GALNTL6: variants seen among roughly 807,000 people sequenced by gnomAD.
GALNTL6 encodes the protein polypeptide N-acetylgalactosaminyltransferase-like 6.
In GALNTL6, 46 loss-of-function variants were observed where a neutral mutation model predicts 73.7. The ratio of observed to expected loss-of-function variants is 0.62; its 90% CI spans 0.49 to 0.80. GALNTL6 has a LOEUF of 0.80. Ranked by LOEUF, GALNTL6 falls within the 30% of genes least tolerant of loss-of-function variation. GALNTL6 has a pLI of 0.00. For synonymous variants in GALNTL6, 259 were observed against 263.7 expected (o/e 0.98, Z 0.17); for missense variants, 604 against 755.0 (o/e 0.80, Z 2.34).
intron 3 of GALNTL6, among the ~76,000 whole-genome samples, chr4:172,285,621 A>G (rs1298336945): frequency 6.6e-6 from 1 of 152,178 alleles, no homozygotes; most frequent in African/African-American, 2.4e-5. Context: ...TGACAGGACT[A>G]TTGGTAAGAT....
chr4:172,549,992 A>G (rs888153184), intron 5 of GALNTL6, among the ~76,000 whole-genome samples: 2 of 152,178 alleles, frequency 1.3e-5, no homozygotes, highest in African/African-American at 4.8e-5. Context: ...TTTATTCTCC[A>G]CTGGATAGTT....
chr4:172,222,956 C>T (rs1367821112), intron 2 of GALNTL6, among the ~76,000 whole-genome samples: 2 of 151,892 alleles, frequency 1.3e-5, no homozygotes, highest in Non-Finnish European at 2.9e-5. Context: ...TAAACCAGCA[C>T]AATATGTTTT....
At chr4:172,178,083 G>A (rs1457008563) in intron 2 of GALNTL6, among the ~76,000 whole-genome samples, 1 of 151,894 alleles carries the variant, frequency 6.6e-6, no homozygotes, top group Non-Finnish European at 1.5e-5. Flanking sequence ...GGGCTTTGGA[G>A]CAAAAAGACT....
chr4:172,951,460 C>A (rs968507990), intron 9 of GALNTL6, among the ~76,000 whole-genome samples: 2 of 152,248 alleles, frequency 1.3e-5, no homozygotes, highest in Non-Finnish European at 2.9e-5. Context: ...TTGGTGCTTC[C>A]TTTAGCCCCA....
At chr4:172,909,682 A>G (rs1298661461) in intron 8 of GALNTL6, among the ~76,000 whole-genome samples, 1 of 152,136 alleles carries the variant, frequency 6.6e-6, no homozygotes, top group East Asian at 1.9e-4. Context: ...CAGTCACTGT[A>G]GTTAAAAGTG....
intron 2 of GALNTL6, among the ~76,000 whole-genome samples, chr4:171,960,138 A>G (rs1370983256): frequency 6.6e-6 from 1 of 152,140 alleles, no homozygotes; most frequent in Non-Finnish European, 1.5e-5. Context: ...TAGCTTTCTA[A>G]TCTATAGCTT....
chr4:172,324,873 A>G (rs534779436), intron 4 of GALNTL6, among the ~76,000 whole-genome samples: 1 of 151,180 alleles, frequency 6.6e-6, no homozygotes, highest in African/African-American at 2.4e-5. Flanking sequence ...TTTCAAATAG[A>G]ATGATAATGA....
chr4:172,727,765 AG>A (rs1473771286), intron 5 of GALNTL6, among the ~76,000 whole-genome samples: 1 of 152,054 alleles, frequency 6.6e-6, no homozygotes, highest in Non-Finnish European at 1.5e-5. Flanking sequence ...TCAAACAATA[AG>A]AAAACTCTTA....
At chr4:172,408,579 T>A (rs1407897347) in intron 5 of GALNTL6, among the ~76,000 whole-genome samples, 1 of 151,942 alleles carries the variant, frequency 6.6e-6, no homozygotes, top group Admixed American at 6.6e-5. Context: ...CACATTATTA[T>A]GCCTTCCCTC....
intron 3 of GALNTL6, among the ~76,000 whole-genome samples, chr4:172,232,933 A>G (rs1737117706): frequency 6.6e-6 from 1 of 152,148 alleles, no homozygotes. Flanking sequence ...AGTGACAAGC[A>G]CGTATCCTAC....
chr4:172,118,984 A>G (rs549514684), intron 2 of GALNTL6, among the ~76,000 whole-genome samples: 4 of 151,612 alleles, frequency 2.6e-5, no homozygotes, highest in East Asian at 1.9e-4. Flanking sequence ...TTTTTTTGCA[A>G]CTATCTCATC....
chr4:172,312,236 T>G (rs1740387269), intron 4 of GALNTL6, among the ~76,000 whole-genome samples: 1 of 152,160 alleles, frequency 6.6e-6, no homozygotes, highest in African/African-American at 2.4e-5. Context: ...CTGGTTCAAT[T>G]TCTTGTCACT....
At chr4:172,139,769 G>A (rs1733754713) in intron 2 of GALNTL6, among the ~76,000 whole-genome samples, 1 of 152,124 alleles carries the variant, frequency 6.6e-6, no homozygotes, top group South Asian at 2.1e-4. Flanking sequence ...CTCACGGGAA[G>A]CAACTACCCT....
At chr4:172,720,986 A>G (rs1735436968) in intron 5 of GALNTL6, among the ~76,000 whole-genome samples, 1 of 152,208 alleles carries the variant, frequency 6.6e-6, no homozygotes, top group African/African-American at 2.4e-5. Flanking sequence ...CTTTAAATGT[A>G]GCATGTCACC....
chr4:172,950,049 G>A (rs1749368624), intron 9 of GALNTL6, among the ~76,000 whole-genome samples: 1 of 152,182 alleles, frequency 6.6e-6, no homozygotes, highest in African/African-American at 2.4e-5. Flanking sequence ...ATAGTAAGAT[G>A]ATATTACAGA....
intron 2 of GALNTL6, among the ~76,000 whole-genome samples, chr4:171,824,485 A>G (rs1399849177): frequency 2.6e-5 from 4 of 152,140 alleles, no homozygotes; most frequent in Non-Finnish European, 5.9e-5. Flanking sequence ...GGCTTTAATA[A>G]GCTAATCTGC....
At chr4:171,907,770 C>T (rs1737340471) in intron 2 of GALNTL6, among the ~76,000 whole-genome samples, 3 of 151,262 alleles carry the variant, frequency 2.0e-5, no homozygotes, top group Admixed American at 1.3e-4. Flanking sequence ...GTAACCAAAA[C>T]AGCATGGTAC....
chr4:172,544,523 T>C (rs1735681480), intron 5 of GALNTL6, among the ~76,000 whole-genome samples: 1 of 152,110 alleles, frequency 6.6e-6, no homozygotes, highest in East Asian at 1.9e-4. Context: ...AATAAACAAA[T>C]AGGGTCACTT....
chr4:172,011,801 AT>A (rs1194650737), intron 2 of GALNTL6, among the ~76,000 whole-genome samples: 1 of 152,124 alleles, frequency 6.6e-6, no homozygotes, highest in Admixed American at 6.6e-5. Flanking sequence ...TAAGAAAATC[AT>A]TCTAAAATAT....
Sources: gnomAD v4.1 joint callset for allele counts (sites outside exome capture counted in the v4.1 genomes callset) on GRCh38, gnomAD v4.1.1 for gene constraint, MANE v1.5 for transcripts, NCBI Gene and HGNC (gene_info 2026-07-23, HGNC 2026-07-21) for gene names.